Variants in NAALADL2 observed in about 807,000 individuals in gnomAD.
The protein encoded by NAALADL2 is N-acetylated alpha-linked acidic dipeptidase like 2, also known as inactive N-acetylated-alpha-linked acidic dipeptidase-like protein 2.
Under a neutral mutation model 87.2 loss-of-function variants are expected in NAALADL2, and 76 were observed. That is an observed-to-expected ratio of 0.87 (90% CI 0.72 to 1.05). The LOEUF is 1.05. Among genes scored for constraint, NAALADL2 ranks in the 50% least tolerant of loss-of-function variants. The pLI is 0.00. For synonymous variants in NAALADL2, 354 were observed against 331.0 expected (o/e 1.07, Z -0.75); for missense variants, 1,089 against 945.8 (o/e 1.15, Z -1.99).
chr3:175,465,621 C>T (rs1032254903), intron 7 of NAALADL2, among the ~76,000 whole-genome samples: 1 of 151,832 alleles, frequency 6.6e-6, no homozygotes, highest in East Asian at 1.9e-4. Flanking sequence ...TACAGGTGCC[C>T]GCCACCAAGC....
At chr3:175,336,233 A>G (rs1761955247) in intron 5 of NAALADL2, among the ~76,000 whole-genome samples, 1 of 152,130 alleles carries the variant, frequency 6.6e-6, no homozygotes, top group Non-Finnish European at 1.5e-5. Flanking sequence ...AATCCAACTA[A>G]GCTACACTAC....
At chr3:175,802,856 C>A in intron 13 of NAALADL2, 149 bp from the exon 14 acceptor site, 1 of 575,062 alleles carries the variant, frequency 1.7e-6, no homozygotes, top group Non-Finnish European at 3.0e-6. Flanking sequence ...TTTGTTAATT[C>A]ATTAGGAGTT....
chr3:175,074,864 T>C (rs1164258757), intron 1 of NAALADL2, among the ~76,000 whole-genome samples: 4 of 151,990 alleles, frequency 2.6e-5, no homozygotes, highest in Non-Finnish European at 5.9e-5. Context: ...TAGTTAAGTA[T>C]TCTTCGTAAT....
chr3:175,502,604 T>A (rs1729712256), intron 9 of NAALADL2, among the ~76,000 whole-genome samples: 1 of 152,142 alleles, frequency 6.6e-6, no homozygotes, highest in Non-Finnish European at 1.5e-5. Context: ...TCACTTCTCC[T>A]GGGTCTCCAG....
intron 10 of NAALADL2, among the ~76,000 whole-genome samples, chr3:175,582,742 A>G (rs982165729): frequency 3.3e-5 from 5 of 152,242 alleles, no homozygotes; most frequent in African/African-American, 1.2e-4. Flanking sequence ...GTCACAGTCT[A>G]GATTCAAACT....
At chr3:174,919,428 G>T (rs1734845040) in intron 1 of NAALADL2, among the ~76,000 whole-genome samples, 1 of 152,012 alleles carries the variant, frequency 6.6e-6, no homozygotes, top group African/African-American at 2.4e-5. Context: ...ACTTCACCAG[G>T]AGCACATGCC....
At chr3:175,047,821 T>C (rs1340904393) in intron 1 of NAALADL2, among the ~76,000 whole-genome samples, 2 of 152,238 alleles carry the variant, frequency 1.3e-5, no homozygotes, top group Non-Finnish European at 2.9e-5. Flanking sequence ...CTGAATCTGA[T>C]ATTCACCTTT....
intron 2 of NAALADL2, among the ~76,000 whole-genome samples, chr3:175,183,252 T>TA (rs1490629601): frequency 6.6e-6 from 1 of 151,468 alleles, no homozygotes; most frequent in African/African-American, 2.4e-5. Flanking sequence ...TCCTAAGTAT[T>TA]TTTTTTTGTA....
intron 9 of NAALADL2, among the ~76,000 whole-genome samples, chr3:175,502,200 A>G (rs901260795): frequency 6.6e-6 from 1 of 151,628 alleles, no homozygotes; most frequent in African/African-American, 2.4e-5. Flanking sequence ...ACTTGACTGC[A>G]CCAGATATTT....
chr3:175,463,277 T>C, intron 6 of NAALADL2, 124 bp from the exon 7 acceptor site: 1 of 594,656 alleles, frequency 1.7e-6, no homozygotes, highest in South Asian at 2.3e-5. Flanking sequence ...TATAACTGGC[T>C]ATCTGAGAAC....
At chr3:175,042,492 T>C (rs918551442) in intron 1 of NAALADL2, among the ~76,000 whole-genome samples, 1 of 152,176 alleles carries the variant, frequency 6.6e-6, no homozygotes, top group African/African-American at 2.4e-5. Flanking sequence ...ACATGACACT[T>C]CTGTTTTTAA....
chr3:175,743,865 G>A (rs779611931), intron 12 of NAALADL2, among the ~76,000 whole-genome samples: 4 of 152,242 alleles, frequency 2.6e-5, no homozygotes, highest in Non-Finnish European at 4.4e-5. Flanking sequence ...TAGAAGAAAA[G>A]AGGCTAAGGA....
intron 5 of NAALADL2, among the ~76,000 whole-genome samples, chr3:175,328,941 T>A (rs1761082580): frequency 6.6e-6 from 1 of 152,208 alleles, no homozygotes; most frequent in Non-Finnish European, 1.5e-5. Flanking sequence ...CTTTCCAAAT[T>A]TCTCAGCAGT....
chr3:174,768,372 G>C (rs1454209710), intron 3 of NAALADL2, among the ~76,000 whole-genome samples: 1 of 152,096 alleles, frequency 6.6e-6, no homozygotes, highest in Non-Finnish European at 1.5e-5. Flanking sequence ...AGCTGGGTTT[G>C]TGCTTTAACT....
upstream of NAALADL2, among the ~76,000 whole-genome samples, chr3:174,854,551 C>T (rs562934668): frequency 6.6e-6 from 1 of 151,980 alleles, no homozygotes; most frequent in African/African-American, 2.4e-5. Context: ...GATTTTAACA[C>T]AAAAATTATG....
At chr3:175,664,148 A>G (rs1732646492) in intron 11 of NAALADL2, among the ~76,000 whole-genome samples, 1 of 152,070 alleles carries the variant, frequency 6.6e-6, no homozygotes, top group Non-Finnish European at 1.5e-5. Context: ...TCCTTCTCCT[A>G]AACGCTCATG....
intron 5 of NAALADL2, among the ~76,000 whole-genome samples, chr3:175,358,127 T>C (rs1261322712): frequency 2.0e-5 from 3 of 152,192 alleles, no homozygotes; most frequent in Non-Finnish European, 2.9e-5. Flanking sequence ...ATAAAGTTCA[T>C]AGAGCTAAGC....
chr3:175,141,282 T>C (rs1729956362), intron 2 of NAALADL2, among the ~76,000 whole-genome samples: 1 of 152,030 alleles, frequency 6.6e-6, no homozygotes, highest in Non-Finnish European at 1.5e-5. Context: ...TGTTCATAGC[T>C]CCTTTTTTTT....
At chr3:175,505,150 A>G (rs1730122090) in intron 9 of NAALADL2, among the ~76,000 whole-genome samples, 1 of 152,074 alleles carries the variant, frequency 6.6e-6, no homozygotes, top group Non-Finnish European at 1.5e-5. Context: ...TAGTTACAAA[A>G]GAGCCTTGGG....
Sources: gnomAD v4.1 joint callset for allele counts (sites outside exome capture counted in the v4.1 genomes callset) on GRCh38, gnomAD v4.1.1 for gene constraint, MANE v1.5 for transcripts, NCBI Gene and HGNC (gene_info 2026-07-23, HGNC 2026-07-21) for gene names.